The following GABRG3 variants were observed in gnomAD, a reference collection of about 807,000 sequenced individuals.
GABRG3 encodes gamma-aminobutyric acid type A receptor subunit gamma3, also known as gamma-aminobutyric acid receptor subunit gamma-3.
In GABRG3, 25 loss-of-function variants were observed where a neutral mutation model predicts 48.8. That is an observed-to-expected ratio of 0.51 (90% CI 0.37 to 0.72). GABRG3 has a LOEUF of 0.72. GABRG3 is among the 30% of genes least tolerant of loss of function. GABRG3 has a pLI of 0.00. For missense variants in GABRG3, 394 were observed against 577.9 expected, an observed-to-expected ratio of 0.68 and a Z score of 3.26; for synonymous variants, 227 against 217.6, an observed-to-expected ratio of 1.04 and a Z score of -0.38.
At chr15:27,066,040 G>C (rs1896732836) in intron 3 of GABRG3, among the ~76,000 whole-genome samples, 1 of 152,172 alleles carries the variant, frequency 6.6e-6, no homozygotes, top group African/African-American at 2.4e-5. Context: ...CTCCTATACT[G>C]TTGCTCAATG....
chr15:27,238,299 G>C (rs1202702760), intron 3 of GABRG3, among the ~76,000 whole-genome samples: 1 of 152,182 alleles, frequency 6.6e-6, no homozygotes, highest in Non-Finnish European at 1.5e-5. Context: ...TTGTCTGACC[G>C]TGGGCCCTAA....
intron 3 of GABRG3, among the ~76,000 whole-genome samples, chr15:27,193,878 G>A (rs977041274): frequency 2.6e-5 from 4 of 151,724 alleles, no homozygotes; most frequent in African/African-American, 4.8e-5. Context: ...CCCCCGCTTC[G>A]ATGTTAATTT....
At chr15:27,133,465 C>T (rs1897956145) in intron 3 of GABRG3, among the ~76,000 whole-genome samples, 1 of 152,208 alleles carries the variant, frequency 6.6e-6, no homozygotes, top group African/African-American at 2.4e-5. Flanking sequence ...GCCCAAGGCG[C>T]TGGTGAGGCA....
chr15:27,008,101 G>A (rs1895621523), intron 2 of GABRG3, among the ~76,000 whole-genome samples: 2 of 152,298 alleles, frequency 1.3e-5, no homozygotes, highest in South Asian at 2.1e-4. Context: ...TTAGCCTTAA[G>A]TGTTCCCAGC....
chr15:27,430,242 T>C (rs116996153), intron 5 of GABRG3, among the ~76,000 whole-genome samples: 4,798 of 152,326 alleles, frequency 0.031, 117 homozygotes, highest in Middle Eastern at 0.1. Context: ...CATTTTTCAA[T>C]TGGGTTATCA....
At chr15:27,452,915 G>A (rs985493006) in intron 5 of GABRG3, among the ~76,000 whole-genome samples, 5 of 152,206 alleles carry the variant, frequency 3.3e-5, no homozygotes, top group African/African-American at 1.2e-4. Flanking sequence ...ATGAATGGAT[G>A]AAGAAATGTC....
At chr15:27,520,882 TG>T (rs1043460283) in intron 7 of GABRG3, among the ~76,000 whole-genome samples, 1 of 87,422 alleles carries the variant, frequency 1.1e-5, no homozygotes, top group Non-Finnish European at 2.1e-5. Context: ...TATTTCTCTG[TG>T]TTTTTTTTTT....
rs983201479 is a variant in GABRG3 at position 27,292,787 on chromosome 15, T to C, written c.271-34022T>C. Among the ~76,000 whole-genome samples the C allele has an allele frequency of 2.6e-5, 4 of 152,274 alleles. No homozygotes were observed. The South Asian group carries it at 8.3e-4, about 32-fold the overall frequency. ...ACTTTTCCGAAGTTGTTACTATAGC[T>C]ACCAGGATGCAGACTATTTCTATCA... On this transcript the variant is annotated intron_variant, in intron 3 of 9. Coordinates refer to ENST00000615808, the MANE Select transcript of GABRG3 (RefSeq NM_033223.5).
intron 3 of GABRG3, among the ~76,000 whole-genome samples, chr15:27,304,877 G>T (rs1351526842): frequency 6.6e-6 from 1 of 151,864 alleles, no homozygotes; most frequent in Non-Finnish European, 1.5e-5. Flanking sequence ...TACATATTCT[G>T]ATATTATGGA....
intron 3 of GABRG3, among the ~76,000 whole-genome samples, chr15:27,193,711 G>A (rs774249250): frequency 2.6e-5 from 4 of 152,058 alleles, no homozygotes; most frequent in East Asian, 2.0e-4. Context: ...GCTTGTGCAC[G>A]GTGCGCTGCA....
chr15:27,096,623 A>G (rs996094821), intron 3 of GABRG3, among the ~76,000 whole-genome samples: 1 of 152,162 alleles, frequency 6.6e-6, no homozygotes, highest in Non-Finnish European at 1.5e-5. Flanking sequence ...ACCAATAACT[A>G]TAAGATACTA....
At chr15:27,383,270 G>A (rs1267518822) in intron 5 of GABRG3, among the ~76,000 whole-genome samples, 1 of 152,186 alleles carries the variant, frequency 6.6e-6, no homozygotes, top group Non-Finnish European at 1.5e-5. Flanking sequence ...TTTGTCATGA[G>A]AGTATTAAGT....
At chr15:27,259,459 A>G (rs1890711020) in intron 3 of GABRG3, among the ~76,000 whole-genome samples, 1 of 152,186 alleles carries the variant, frequency 6.6e-6, no homozygotes, top group African/African-American at 2.4e-5. Context: ...TAGTCAGGAC[A>G]TAGCTTTACA....
At chr15:27,421,323 A>T (rs1332829513) in intron 5 of GABRG3, among the ~76,000 whole-genome samples, 1 of 152,268 alleles carries the variant, frequency 6.6e-6, no homozygotes, top group Admixed American at 6.5e-5. Context: ...TGTTTCCATC[A>T]TTCGAAAACA....
chr15:27,463,494 T>G (rs1473202451), intron 5 of GABRG3, among the ~76,000 whole-genome samples: 1 of 152,194 alleles, frequency 6.6e-6, no homozygotes, highest in Non-Finnish European at 1.5e-5. Context: ...ACTGTGAAGA[T>G]GAAAGCTGAA....
At chr15:27,341,235 CT>C (rs1894165888) in intron 5 of GABRG3, among the ~76,000 whole-genome samples, 2 of 152,048 alleles carry the variant, frequency 1.3e-5, no homozygotes, top group East Asian at 3.9e-4. Flanking sequence ...TATTATTTGC[CT>C]TTTTAAGTAT....
At chr15:27,472,511 A>G (rs1026894722) in intron 5 of GABRG3, among the ~76,000 whole-genome samples, 4 of 152,016 alleles carry the variant, frequency 2.6e-5, no homozygotes, top group Non-Finnish European at 5.9e-5. Flanking sequence ...CCTGACCTCA[A>G]ATGACCTGCC....
chr15:27,085,504 A>C (rs1183534141), intron 3 of GABRG3, among the ~76,000 whole-genome samples: 2 of 152,206 alleles, frequency 1.3e-5, no homozygotes, highest in Admixed American at 1.3e-4. Context: ...CTATGCACTT[A>C]TATTTGTATA....
chr15:27,132,353 T>G (rs1428175780), intron 3 of GABRG3, among the ~76,000 whole-genome samples: 2 of 151,948 alleles, frequency 1.3e-5, no homozygotes, highest in Non-Finnish European at 2.9e-5. Flanking sequence ...CTGCCTGTGA[T>G]TATCCAGTTT....
Sources: allele counts gnomAD v4.1 joint callset (sites outside exome capture counted in the v4.1 genomes callset), GRCh38; gene constraint gnomAD v4.1.1; transcripts MANE v1.5; gene names NCBI Gene and HGNC (gene_info 2026-07-23, HGNC 2026-07-21).